Variants in WDTC1 observed in about 807,000 individuals in gnomAD.
WDTC1 encodes the protein WD and tetratricopeptide repeats 1, also known as WD and tetratricopeptide repeats protein 1.
WDTC1 carries 12 observed loss-of-function variants against 76.0 expected under a neutral mutation model. That is an observed-to-expected ratio of 0.16 (90% CI 0.10 to 0.26). The LOEUF is 0.26. Among genes scored for constraint, WDTC1 ranks in the 10% least tolerant of loss-of-function variants. The pLI, the probability that WDTC1 is intolerant of heterozygous loss-of-function variation, is 1.00. For missense variants in WDTC1, 511 were observed against 908.8 expected, an observed-to-expected ratio of 0.56 and a Z score of 5.63; for synonymous variants, 326 against 350.8, an observed-to-expected ratio of 0.93 and a Z score of 0.79.
In WDTC1 at chr1:27,307,822, C is replaced by A. The variant is rs1163501160; in HGVS notation, c.*1439C>A. The A allele has an allele frequency of 6.5e-6, 1 of 152,698 alleles. No homozygotes were observed. The highest frequency in any genetic ancestry group is 2.4e-5 in the African/African-American group (1 of 41,402). 9.5% of individuals were successfully genotyped at this position (152,698 alleles called of 1,614,324 possible). A position where few individuals can be genotyped will look rare whatever the true frequency, so the allele number is the denominator to read the frequency against. On this transcript the variant is annotated 3_prime_UTR_variant, in exon 16 of 16. Coordinates refer to ENST00000319394, the MANE Select transcript of WDTC1 (RefSeq NM_001276252.2). This position sits in a 1 kb window ranked among gnomAD's most constrained non-coding sequence, Gnocchi z 4.1. ...GCAGCTTCTCCCCCTTCCTTCCCAC[C>A]CCAGTCCCTCTTCCCACCCCTCTCT...
At chr1:27,273,206 C>CTTTTTT (rs57130485) in intron 3 of WDTC1, among the ~76,000 whole-genome samples, 3,214 of 102,938 alleles carry the variant, frequency 0.031, 9 homozygotes, top group Non-Finnish European at 0.04. Flanking sequence ...TTTTTCTTTT[C>CTTTTTT]TTTTTTTTTT....
In WDTC1 at chr1:27,263,157, G is replaced by T. The variant is rs764369183; in HGVS notation, c.54G>T (p.Arg18=). ...AATTTGTTTCTGTCCCCTAGGAGCG[G>T]GGTGCCCTGAGCTTTGAGCGGCGCT... The part of the protein sequence containing the change: ...RDLIRRQIKE[R]GALSFERRYH... Residue 18 remains arginine (R), a synonymous_variant, in exon 3 of 16, where the codon CGG becomes CGT. Transcript: ENST00000319394. 2 of 1,613,242 alleles carry T rather than the reference G, an allele frequency of 1.2e-6. No individual in the cohort carries two copies. Among genetic ancestry groups the T allele is most frequent in the East Asian group, 2.2e-5 (1 of 44,752 alleles).
At chr1:27,250,471 A>G (rs1259164938) in intron 1 of WDTC1, among the ~76,000 whole-genome samples, 5 of 152,096 alleles carry the variant, frequency 3.3e-5, no homozygotes, top group African/African-American at 1.2e-4. Flanking sequence ...TTTCATATAT[A>G]TTTTATCATG....
intron 3 of WDTC1, among the ~76,000 whole-genome samples, chr1:27,279,322 C>G (rs1275423161): frequency 6.6e-6 from 1 of 152,026 alleles, no homozygotes; most frequent in East Asian, 1.9e-4. Context: ...TCACTTGAGC[C>G]CAGGAGTTCA....
Position 27,296,313 on chromosome 1 carries a change from C to T in WDTC1, c.874-13C>T, listed in dbSNP as rs778196446. On this transcript the variant is annotated splice_polypyrimidine_tract_variant and intron_variant, in intron 9 of 15. Transcript: ENST00000319394. ...ACAGCTTCCATCTCTTTTTTTGCCCCCCTCAACTCTAGGTCTATTTGTTTG... is the reference window on the plus strand; with the variant it reads ...ACAGCTTCCATCTCTTTTTTTGCCCTCCTCAACTCTAGGTCTATTTGTTTG... 1 of 1,613,412 alleles carries T rather than the reference C, an allele frequency of 6.2e-7. No individual in the cohort carries two copies. Among genetic ancestry groups the T allele is most frequent in the Non-Finnish European group, 8.5e-7 (1 of 1,179,800 alleles).
Position 27,296,399 on chromosome 1 carries a change from G to A in WDTC1, c.947G>A (p.Gly316Glu), listed in dbSNP as rs751080101. The A allele has an allele frequency of 7.4e-6, 12 of 1,613,942 alleles. No individual in the cohort carries two copies. The highest frequency in any genetic ancestry group is 2.2e-5 in the East Asian group (1 of 44,878). Residue 316 changes from glycine (G) to glutamate (E), a missense_variant and splice_region_variant, in exon 10 of 16, where the codon GGG (glycine) becomes GAG (glutamate). Gly to Glu is a moderately conservative substitution (Grantham distance 98). Transcript: ENST00000319394. ...TTGCCTAGAAAATGCCACTCCTCGG[G>A]GGGTAAGTTCTCCCTTAGGGTATCT... ...FLLPRKCHSS[G>E]EVQNGKMSTN...
intron 7 of WDTC1, among the ~76,000 whole-genome samples, chr1:27,293,547 C>A (rs2013599357): frequency 6.7e-6 from 1 of 149,934 alleles, no homozygotes; most frequent in African/African-American, 2.5e-5. Context: ...CTTATAGTGT[C>A]TTTCTTAAAG....
At chr1:27,235,394 C>CTGTG (rs139665541) in intron 1 of WDTC1, among the ~76,000 whole-genome samples, 2,414 of 141,202 alleles carry the variant, frequency 0.017, 24 homozygotes, top group Middle Eastern at 0.035. Flanking sequence ...CTCTCTCTTT[C>CTGTG]TGTGTGTGTG....
At chr1:27,280,820 GTAGC>G (rs1351845077) in intron 3 of WDTC1, among the ~76,000 whole-genome samples, 1 of 152,206 alleles carries the variant, frequency 6.6e-6, no homozygotes, top group Non-Finnish European at 1.5e-5. Flanking sequence ...GTCCTTATGT[GTAGC>G]TACACAAACT....
intron 5 of WDTC1, among the ~76,000 whole-genome samples, 176 bp from the exon 6 acceptor site, chr1:27,287,498 T>C (rs1466938003): frequency 2.0e-5 from 3 of 152,096 alleles, no homozygotes; most frequent in Non-Finnish European, 4.4e-5. Context: ...GGGATTTTCC[T>C]GCCTCAGCCT....
intron 3 of WDTC1, among the ~76,000 whole-genome samples, chr1:27,281,920 A>G (rs2013202841): frequency 6.6e-6 from 1 of 152,074 alleles, no homozygotes; most frequent in Non-Finnish European, 1.5e-5. Context: ...CTAATGGTAA[A>G]AGCAGAAATG....
chr1:27,256,901 G>T (rs2012299777), intron 1 of WDTC1, among the ~76,000 whole-genome samples: 1 of 152,070 alleles, frequency 6.6e-6, no homozygotes, highest in Non-Finnish European at 1.5e-5. Flanking sequence ...TCACTCTGTT[G>T]CCCAGGCTGG....
intron 12 of WDTC1, among the ~76,000 whole-genome samples, chr1:27,300,113 G>C (rs1244999811): frequency 6.6e-6 from 1 of 152,230 alleles, no homozygotes; most frequent in African/African-American, 2.4e-5. Flanking sequence ...CATGGGCTGA[G>C]CTGCTGGTTC....
At chr1:27,265,831 C>A (rs918858524) in intron 3 of WDTC1, among the ~76,000 whole-genome samples, 3 of 151,970 alleles carry the variant, frequency 2.0e-5, no homozygotes, top group Non-Finnish European at 4.4e-5. Context: ...CCTGTAATCC[C>A]AGCAACTTGG....
intron 3 of WDTC1, among the ~76,000 whole-genome samples, chr1:27,275,348 A>C (rs2012990898): frequency 6.6e-6 from 1 of 152,210 alleles, no homozygotes; most frequent in South Asian, 2.1e-4. Flanking sequence ...AGAGCTTTTT[A>C]AGGTAATACC....
At chr1:27,258,689 G>T (rs1177728001) in intron 1 of WDTC1, among the ~76,000 whole-genome samples, 1 of 152,146 alleles carries the variant, frequency 6.6e-6, no homozygotes, top group Non-Finnish European at 1.5e-5. Context: ...TTGTCCTACT[G>T]CATGCCTAGC....
intron 3 of WDTC1, among the ~76,000 whole-genome samples, chr1:27,265,765 G>C (rs2012642271): frequency 6.6e-6 from 1 of 152,074 alleles, no homozygotes; most frequent in Non-Finnish European, 1.5e-5. Context: ...GACCAACATG[G>C]AGAAAGCCCA....
intron 3 of WDTC1, among the ~76,000 whole-genome samples, chr1:27,273,012 G>A (rs2012914474): frequency 6.6e-6 from 1 of 152,082 alleles, no homozygotes; most frequent in South Asian, 2.1e-4. Context: ...AGTAATTATG[G>A]GTTACTAGTT....
chr1:27,287,175 C>CA (rs964522810), intron 5 of WDTC1, among the ~76,000 whole-genome samples: 4 of 148,608 alleles, frequency 2.7e-5, no homozygotes, highest in Non-Finnish European at 4.5e-5. Context: ...AAAAAAAAAA[C>CA]AAAAAAAACC....
Sources: allele counts gnomAD v4.1 joint callset (sites outside exome capture counted in the v4.1 genomes callset), GRCh38; gene constraint gnomAD v4.1.1; non-coding constraint Gnocchi (gnomAD v3.1); transcripts MANE v1.5; gene names NCBI Gene and HGNC (gene_info 2026-07-23, HGNC 2026-07-21).